Variants in DMD observed in about 807,000 individuals in gnomAD.
The protein encoded by DMD is mutant dystrophin.
A neutral mutation model predicts 330.1 loss-of-function variants in DMD; 63 were observed. That is an observed-to-expected ratio of 0.19 (90% confidence interval 0.16 to 0.24). The LOEUF is 0.24. DMD is among the 10% of genes least tolerant of loss of function. DMD has a pLI of 1.00. For synonymous variants in DMD, 1,223 were observed against 959.8 expected (o/e 1.27, Z -5.07); for missense variants, 3,344 against 2,684.1 (o/e 1.25, Z -5.43).
At chrX:31,618,884 A>G (rs868674293) in intron 55 of DMD, among the ~76,000 whole-genome samples, 13 of 111,476 alleles carry the variant, frequency 1.2e-4, no homozygotes, top group Middle Eastern at 4.7e-3. Context: ...ATCCAAAAAA[A>G]GAATCAGAAA....
intron 39 of DMD, among the ~76,000 whole-genome samples, chrX:32,343,743 A>G (rs2097755307): frequency 8.9e-6 from 1 of 111,947 alleles, no homozygotes; most frequent in South Asian, 3.7e-4. Context: ...CTCAACCAAT[A>G]TACATTCATG....
chrX:32,343,030 A>G, intron 40 of DMD, 104 bp downstream of exon 40: 1 of 839,990 alleles, frequency 1.2e-6, no homozygotes, highest in South Asian at 2.1e-5. Context: ...CAAATCAAAG[A>G]GAACGTTAAT....
At chrX:31,725,963 G>C (rs1603451773) in intron 52 of DMD, among the ~76,000 whole-genome samples, 2 of 112,389 alleles carry the variant, frequency 1.8e-5, no homozygotes, top group East Asian at 5.6e-4. Context: ...CTCCAAGGAA[G>C]AAAATTTAAA....
chrX:32,603,439 T>C (rs1319491450), intron 12 of DMD, among the ~76,000 whole-genome samples: 9 of 111,231 alleles, frequency 8.1e-5, no homozygotes. Context: ...AAACTAATAT[T>C]GTACTTCAAT....
At chrX:32,369,888 A>G (rs748580742) in intron 34 of DMD, among the ~76,000 whole-genome samples, 2 of 111,287 alleles carry the variant, frequency 1.8e-5, no homozygotes, top group South Asian at 3.7e-4. Context: ...CTAGGACTCA[A>G]TTAAATTCAG....
At chrX:32,387,843 T>C (rs1317466466) in intron 32 of DMD, among the ~76,000 whole-genome samples, 3 of 111,789 alleles carry the variant, frequency 2.7e-5, no homozygotes, top group Non-Finnish European at 5.7e-5. Context: ...TCAAAAAATA[T>C]AAATGCTTTA....
chrX:33,033,688 A>AG (rs1474101302), intron 1 of DMD, among the ~76,000 whole-genome samples: 3 of 110,142 alleles, frequency 2.7e-5, no homozygotes, highest in South Asian at 3.9e-4. Context: ...ACTGCACTCC[A>AG]GCCTGGGCGA....
intron 60 of DMD, among the ~76,000 whole-genome samples, chrX:31,358,088 C>T (rs2058755986): frequency 9.1e-6 from 1 of 109,812 alleles, no homozygotes; most frequent in South Asian, 4.0e-4. Context: ...TCTGACCTAG[C>T]CCTCCTCTTC....
intron 34 of DMD, among the ~76,000 whole-genome samples, chrX:32,376,762 G>T (rs977069967): frequency 1.8e-5 from 2 of 109,493 alleles, no homozygotes; most frequent in African/African-American, 6.7e-5. Context: ...TTGTGGAAGG[G>T]CTTGATTTGA....
chrX:32,493,050 G>T (rs1021178999), intron 19 of DMD, among the ~76,000 whole-genome samples: 2 of 111,824 alleles, frequency 1.8e-5, no homozygotes, highest in African/African-American at 6.5e-5. Context: ...TTCTTAAAAA[G>T]TCTGAAGAAC....
At chrX:31,894,603 C>T (rs1296876079) in intron 47 of DMD, among the ~76,000 whole-genome samples, 1 of 112,114 alleles carries the variant, frequency 8.9e-6, no homozygotes, top group Admixed American at 9.5e-5. Context: ...AAGGAACATT[C>T]CTTTGAAAGG....
chrX:31,583,103 C>T (rs1444881622), intron 55 of DMD, among the ~76,000 whole-genome samples: 1 of 112,249 alleles, frequency 8.9e-6, no homozygotes, highest in African/African-American at 3.2e-5. Context: ...AAACACTACT[C>T]AGTACACCCT....
chrX:33,009,435 T>C (rs1331880677), intron 2 of DMD, among the ~76,000 whole-genome samples: 2 of 32,411 alleles, frequency 6.2e-5, no homozygotes, highest in Non-Finnish European at 1.3e-4. Flanking sequence ...TATGTATGTG[T>C]ATACACATAT....
chrX:32,349,311 T>TA (rs1284790017), intron 37 of DMD, among the ~76,000 whole-genome samples: 5 of 111,417 alleles, frequency 4.5e-5, no homozygotes. Context: ...GTTATTAGAT[T>TA]AAAATTCTGT....
chrX:32,037,713 G>C (rs763095009), intron 44 of DMD, among the ~76,000 whole-genome samples: 1 of 110,944 alleles, frequency 9.0e-6, no homozygotes, highest in African/African-American at 3.3e-5. Flanking sequence ...CTCATTATAC[G>C]TGCCATGCAC....
At chrX:31,607,965 T>C (rs1392349039) in intron 55 of DMD, among the ~76,000 whole-genome samples, 3 of 112,367 alleles carry the variant, frequency 2.7e-5, no homozygotes, top group Non-Finnish European at 5.6e-5. Flanking sequence ...ATTATCTAGC[T>C]TTATGGGTTT....
chrX:32,779,230 A>G (rs1484268750), intron 7 of DMD, among the ~76,000 whole-genome samples: 8 of 107,901 alleles, frequency 7.4e-5, no homozygotes, highest in African/African-American at 2.5e-4. Context: ...CGTCCTATTC[A>G]TCCCCTTTAT....
chrX:32,983,089 G>C (rs187973610), intron 2 of DMD, among the ~76,000 whole-genome samples: 2 of 111,908 alleles, frequency 1.8e-5, no homozygotes, highest in African/African-American at 6.5e-5. Context: ...CACAGGACCA[G>C]AGTGAGAAAA....
In DMD at chrX:31,661,899, T is replaced by G. The variant is rs773021439; in HGVS notation, c.7873-3755A>C. 6.2e-5 allele frequency among the ~76,000 whole-genome samples: 7 copies of G among 112,252 alleles called. No homozygotes were observed. The South Asian group carries it at 2.2e-3, about 36-fold the overall frequency. ...CAGTATCTTAGGTAGAAAAAGTGAT[T>G]GTGGACTATGAGACAACCTGAATTA... On this transcript the variant is annotated intron_variant, in intron 53 of 78. Transcript: ENST00000357033.
Sources: allele counts gnomAD v4.1 joint callset (sites outside exome capture counted in the v4.1 genomes callset), GRCh38; gene constraint gnomAD v4.1.1; transcripts MANE v1.5; gene names NCBI Gene and HGNC (gene_info 2026-07-23, HGNC 2026-07-21).